The following TFB1M variants were observed in gnomAD, a reference collection of about 807,000 sequenced individuals.
TFB1M encodes the protein dimethyladenosine transferase 1, mitochondrial.
TFB1M carries 27 observed loss-of-function variants against 31.1 expected under a neutral mutation model. The observed-to-expected ratio is 0.87, with a 90% CI of 0.64 to 1.20. The LOEUF is 1.20. TFB1M is among the 50% of genes most tolerant of loss of function. The probability of loss-of-function intolerance (pLI) is 0.00; values close to 1 mark genes in which losing one functional copy is unlikely to be tolerated. For synonymous variants in TFB1M, 166 were observed against 151.8 expected (o/e 1.09, Z -0.69); for missense variants, 394 against 418.7 (o/e 0.94, Z 0.51).
chr6:155,254,198 G>A (rs183943176), downstream of TFB1M: 3 of 1,028,178 alleles, frequency 2.9e-6, no homozygotes, highest in Admixed American at 2.7e-5. Context: ...AGGCAACTGA[G>A]GCCGCTAGTA....
chr6:155,263,313 AAAG>A (rs1166722458), intron 5 of TFB1M, among the ~76,000 whole-genome samples: 1 of 152,246 alleles, frequency 6.6e-6, no homozygotes, highest in Non-Finnish European at 1.5e-5. Flanking sequence ...TGATTACAAA[AAAG>A]AAATCAGTAC....
the TFB1M span, among the ~76,000 whole-genome samples, chr6:155,230,487 G>GGGGGGCAC: frequency 6.6e-6 from 1 of 152,128 alleles, no homozygotes; most frequent in African/African-American, 2.4e-5. Flanking sequence ...TTCGGCACTG[G>GGGGGGCAC]TCACCTTTGA....
chr6:155,304,383 T>A (rs1045885800), intron 2 of TFB1M, among the ~76,000 whole-genome samples: 8 of 152,278 alleles, frequency 5.3e-5, no homozygotes, highest in African/African-American at 1.9e-4. Context: ...ATTTAATGGT[T>A]AAGAAGAATC....
chr6:155,281,921 C>T (rs1013766515), intron 5 of TFB1M, among the ~76,000 whole-genome samples: 4 of 151,674 alleles, frequency 2.6e-5, no homozygotes, highest in African/African-American at 9.7e-5. Flanking sequence ...AAGCGTGGAA[C>T]CCCAGAAATA....
intron 5 of TFB1M, among the ~76,000 whole-genome samples, chr6:155,281,821 TAAAA>T (rs34485998): frequency 6.7e-6 from 1 of 150,096 alleles, no homozygotes; most frequent in South Asian, 2.1e-4. Context: ...CCATAATTCA[TAAAA>T]AAAAAGACAG....
At chr6:155,297,501 G>C (rs1777230638) in intron 3 of TFB1M, among the ~76,000 whole-genome samples, 1 of 152,190 alleles carries the variant, frequency 6.6e-6, no homozygotes, top group Non-Finnish European at 1.5e-5. Context: ...ATAAAGATGT[G>C]AATGTCTGCA....
intron 5 of TFB1M, among the ~76,000 whole-genome samples, chr6:155,262,303 G>A (rs1784428119): frequency 6.6e-6 from 1 of 152,152 alleles, no homozygotes; most frequent in South Asian, 2.1e-4. Flanking sequence ...CAGATGTCAG[G>A]TTCCTTCCCA....
chr6:155,244,929 C>T, the TFB1M span: 1 of 1,073,148 alleles, frequency 9.3e-7, no homozygotes, highest in Non-Finnish European at 1.3e-6. Flanking sequence ...GCACCGTTTT[C>T]CTCTGTCAGG....
At chr6:155,260,509 T>G in intron 5 of TFB1M, 109 bp from the exon 6 acceptor site, 1 of 1,420,386 alleles carries the variant, frequency 7.0e-7, no homozygotes, top group Non-Finnish European at 9.8e-7. Flanking sequence ...CAGCCTGTTT[T>G]CATAAACAGA....
rs777913474 is a variant in TFB1M at position 155,256,999 on chromosome 6, C to G, written c.*837G>C. 1.9e-6 allele frequency: 3 copies of G among 1,614,154 alleles called. No homozygotes were observed. The highest frequency in any genetic ancestry group is 2.5e-6 in the Non-Finnish European group (3 of 1,180,028). ...GATCCGTCACCAGTCCCTTGACAGTCAGTCTGAAAATGCCACCATCGACCT... is the reference window on the plus strand; with the variant it reads ...GATCCGTCACCAGTCCCTTGACAGTGAGTCTGAAAATGCCACCATCGACCT... On this transcript the variant is annotated 3_prime_UTR_variant, in exon 7 of 7. Transcript: ENST00000367166.
At chr6:155,272,710 T>C (rs888024897) in intron 5 of TFB1M, among the ~76,000 whole-genome samples, 1 of 152,088 alleles carries the variant, frequency 6.6e-6, no homozygotes, top group African/African-American at 2.4e-5. Flanking sequence ...TCTACATAAG[T>C]TCTCTATGCA....
the TFB1M span, chr6:155,244,211 T>C: frequency 1.2e-6 from 1 of 869,108 alleles, no homozygotes; most frequent in Non-Finnish European, 1.8e-6. Context: ...CTTCTGAGAG[T>C]CCCAGGCATA....
chr6:155,251,078 C>G, the TFB1M span: 1 of 1,460,616 alleles, frequency 6.8e-7, no homozygotes, highest in Non-Finnish European at 9.6e-7. Context: ...TACGGAAGAA[C>G]TTCACTAGCC....
the TFB1M span, chr6:155,240,463 C>G: frequency 9.9e-6 from 15 of 1,511,218 alleles, no homozygotes; most frequent in African/African-American, 1.9e-4. Flanking sequence ...ACTTGGTGCC[C>G]TTGGGGGCAG....
intron 2 of TFB1M, among the ~76,000 whole-genome samples, chr6:155,301,465 GA>G (rs1249714436): frequency 1.3e-5 from 2 of 152,156 alleles, no homozygotes; most frequent in Non-Finnish European, 2.9e-5. Context: ...GGGTATGGTG[GA>G]GGGGGTGGGA....
At chr6:155,280,229 G>C (rs1014052368) in intron 5 of TFB1M, among the ~76,000 whole-genome samples, 3 of 152,096 alleles carry the variant, frequency 2.0e-5, no homozygotes, top group African/African-American at 7.2e-5. Context: ...AGCTAGACAG[G>C]ATGCTGTGTC....
At chr6:155,273,301 C>A (rs971898650) in intron 5 of TFB1M, among the ~76,000 whole-genome samples, 1 of 152,146 alleles carries the variant, frequency 6.6e-6, no homozygotes, top group Non-Finnish European at 1.5e-5. Flanking sequence ...AACTTAAAAT[C>A]CTAGGGAAAT....
the TFB1M span, chr6:155,245,537 C>A: frequency 9.0e-7 from 1 of 1,116,948 alleles, no homozygotes. Flanking sequence ...TGGAATCTGA[C>A]AGAAGCCATG....
downstream of TFB1M, chr6:155,253,855 A>T (rs1583293498): frequency 1.4e-6 from 1 of 702,350 alleles, no homozygotes; most frequent in East Asian, 2.8e-5. Flanking sequence ...GAAGAAAATG[A>T]GCCAGGACTG....
Sources: gnomAD v4.1 joint callset for allele counts (sites outside exome capture counted in the v4.1 genomes callset) on GRCh38, gnomAD v4.1.1 for gene constraint, MANE v1.5 for transcripts, NCBI Gene and HGNC (gene_info 2026-07-23, HGNC 2026-07-21) for gene names.